CSMD3: variants seen among roughly 807,000 people sequenced by gnomAD.
CSMD3 encodes the protein CUB and sushi domain-containing protein 3.
In CSMD3, 177 loss-of-function variants were observed where a neutral mutation model predicts 435.2. The observed-to-expected ratio is 0.41, with a 90% CI of 0.36 to 0.46. CSMD3 has a LOEUF of 0.46. Among genes scored for constraint, CSMD3 ranks in the 20% least tolerant of loss-of-function variants. The pLI, the probability that CSMD3 is intolerant of heterozygous loss-of-function variation, is 0.34. For synonymous variants in CSMD3, 1,656 were observed against 1,520.5 expected (o/e 1.09, Z -2.07); for missense variants, 4,265 against 4,504.6 (o/e 0.95, Z 1.52).
intron 1 of CSMD3, among the ~76,000 whole-genome samples, chr8:113,436,104 T>G (rs1478733966): frequency 6.6e-6 from 1 of 152,176 alleles, no homozygotes; most frequent in South Asian, 2.1e-4. Context: ...CCACAGGTCC[T>G]AGGGAAGCTC....
At chr8:112,393,294 C>T (rs566678898) in intron 35 of CSMD3, among the ~76,000 whole-genome samples, 1 of 152,288 alleles carries the variant, frequency 6.6e-6, no homozygotes, top group African/African-American at 2.4e-5. Context: ...CCAGTCCAGC[C>T]TTCTAAACTA....
rs1165821262 is a variant in CSMD3 at position 112,263,056 on chromosome 8, G to C, written c.9862+583C>G. On this transcript the variant is annotated intron_variant, in intron 61 of 70. Transcript: ENST00000297405. Reference sequence around the variant, plus strand: ...TAGAATCATTTATGTAAAACTGCAAGAGGAGTTTGTTTTGTTTTGTGTTCT... The same window carrying C: ...TAGAATCATTTATGTAAAACTGCAACAGGAGTTTGTTTTGTTTTGTGTTCT... Among the ~76,000 whole-genome samples the C allele has an allele frequency of 4.0e-5, 6 of 151,318 alleles. 1 individual carries two copies. The highest frequency in any genetic ancestry group is 7.4e-5 in the Non-Finnish European group (5 of 67,926).
At chr8:113,128,917 T>G (rs2091213125) in intron 4 of CSMD3, among the ~76,000 whole-genome samples, 1 of 152,142 alleles carries the variant, frequency 6.6e-6, no homozygotes, top group South Asian at 2.1e-4. Context: ...TTGGGTAGTA[T>G]GATACTTTAT....
At chr8:112,574,262 G>T (rs1829766798) in intron 23 of CSMD3, among the ~76,000 whole-genome samples, 1 of 151,930 alleles carries the variant, frequency 6.6e-6, no homozygotes, top group South Asian at 2.1e-4. Flanking sequence ...ACTGCTTATT[G>T]CACTCTAATT....
chr8:112,786,041 T>C (rs375028286), intron 13 of CSMD3, among the ~76,000 whole-genome samples: 12 of 152,136 alleles, frequency 7.9e-5, no homozygotes, highest in African/African-American at 2.9e-4. Flanking sequence ...TACAGAGCTA[T>C]AGTAACCAAA....
intron 1 of CSMD3, among the ~76,000 whole-genome samples, chr8:113,374,072 T>C (rs1442743340): frequency 6.6e-6 from 1 of 152,054 alleles, no homozygotes; most frequent in East Asian, 1.9e-4. Context: ...TCTAGCTATA[T>C]AATATCTAGA....
chr8:112,699,171 A>G (rs566994361), intron 13 of CSMD3, among the ~76,000 whole-genome samples: 1 of 152,178 alleles, frequency 6.6e-6, no homozygotes, highest in East Asian at 1.9e-4. Flanking sequence ...TTGATAATAA[A>G]TCTTGCTGCT....
intron 4 of CSMD3, among the ~76,000 whole-genome samples, chr8:113,157,560 T>C (rs1564375378): frequency 6.6e-6 from 1 of 152,166 alleles, no homozygotes; most frequent in Non-Finnish European, 1.5e-5. Flanking sequence ...ACATTATGTG[T>C]TGTTAACACT....
At chr8:113,264,194 C>G (rs2132373387) in intron 3 of CSMD3, among the ~76,000 whole-genome samples, 1 of 151,462 alleles carries the variant, frequency 6.6e-6, no homozygotes, top group East Asian at 1.9e-4. Context: ...ATTTCTAAAG[C>G]AAGCTCATAG....
intron 1 of CSMD3, among the ~76,000 whole-genome samples, chr8:113,344,123 TAAAG>T (rs920786553): frequency 2.6e-5 from 4 of 152,186 alleles, no homozygotes; most frequent in African/African-American, 9.6e-5. Context: ...TTCCACTGAC[TAAAG>T]AAAGTTATGA....
chr8:112,303,903 C>T (rs1821164013), intron 52 of CSMD3, among the ~76,000 whole-genome samples: 3 of 151,956 alleles, frequency 2.0e-5, no homozygotes, highest in Admixed American at 2.0e-4. Context: ...GCAATATATA[C>T]CATAGAGTTG....
At chr8:112,612,285 T>C (rs1237268894) in intron 22 of CSMD3, among the ~76,000 whole-genome samples, 1 of 152,190 alleles carries the variant, frequency 6.6e-6, no homozygotes, top group Admixed American at 6.6e-5. Context: ...AGACCTAAAG[T>C]CTGCATGGAT....
intron 3 of CSMD3, among the ~76,000 whole-genome samples, chr8:113,200,411 T>A (rs2092704737): frequency 1.3e-5 from 2 of 151,682 alleles, no homozygotes; most frequent in South Asian, 4.1e-4. Context: ...AGAGTGATAA[T>A]CTTAAAAGGT....
chr8:112,648,635 G>A (rs1455604378), intron 19 of CSMD3, among the ~76,000 whole-genome samples: 2 of 152,136 alleles, frequency 1.3e-5, no homozygotes, highest in African/African-American at 2.4e-5. Context: ...GAAAAATGAT[G>A]AGGGCCTGTG....
At chr8:112,671,813 A>T (rs1194685287) in intron 16 of CSMD3, among the ~76,000 whole-genome samples, 1 of 152,120 alleles carries the variant, frequency 6.6e-6, no homozygotes, top group East Asian at 1.9e-4. Flanking sequence ...CCATTGGTTT[A>T]GTGAAGACAG....
intron 42 of CSMD3, 114 bp downstream of exon 42, chr8:112,341,363 G>GTTTTTTTTTTT: frequency 1.5e-6 from 1 of 670,396 alleles, no homozygotes. Context: ...CTTGGCTTAA[G>GTTTTTTTTTTT]TTTTTTTTTT....
At chr8:112,865,641 T>C (rs2080955952) in intron 10 of CSMD3, among the ~76,000 whole-genome samples, 1 of 151,638 alleles carries the variant, frequency 6.6e-6, no homozygotes, top group Non-Finnish European at 1.5e-5. Context: ...CTATTCTGCT[T>C]AATATCTCTA....
At position 112,587,142 on chromosome 8, in the gene CSMD3, C is replaced by T; in HGVS notation, c.3809G>A (p.Ser1270Asn). Reference protein sequence around the residue: ...NYENNHECIYSIQVQAGKGIN... With the variant: ...NYENNHECIYNIQVQAGKGIN... Reference sequence around the variant, plus strand: ...TCCCTTTCCTGCTTGAACCTGAATACTATAAATGCATTCATGGTTGTTTTC... The same window carrying T: ...TCCCTTTCCTGCTTGAACCTGAATATTATAAATGCATTCATGGTTGTTTTC... Residue 1270 changes from serine (S) to asparagine (N), a missense_variant, in exon 23 of 71, where the codon AGT becomes AAT. By Grantham distance (46) the Ser-to-Asn change is conservative. Coordinates refer to ENST00000297405, the MANE Select transcript of CSMD3 (RefSeq NM_198123.2). 1 of 1,609,834 alleles carries T rather than the reference C, an allele frequency of 6.2e-7. No individual in the cohort carries two copies. Among genetic ancestry groups the T allele is most frequent in the Non-Finnish European group, 8.5e-7 (1 of 1,176,832 alleles).
rs1815372407 is a variant in CSMD3, at chr8:112,252,638, G to A, written c.10110+1615C>T. On this transcript the variant is annotated intron_variant, in intron 63 of 70. Transcript: ENST00000297405. The stretch of plus-strand genomic sequence containing the variant: ...AATTATATAACTATTTATTGTGTTA[G>A]ATCTATACAGATTTAGTTAACAGAT... Among the ~76,000 whole-genome samples the A allele has an allele frequency of 2.7e-5, 4 of 147,614 alleles. No individual in the cohort carries two copies. The South Asian group carries it at 8.6e-4, about 32-fold the overall frequency.
Sources: gnomAD v4.1 joint callset for allele counts (sites outside exome capture counted in the v4.1 genomes callset) on GRCh38, gnomAD v4.1.1 for gene constraint, MANE v1.5 for transcripts, NCBI Gene and HGNC (gene_info 2026-07-23, HGNC 2026-07-21) for gene names.